Variants in AGTPBP1 observed in about 807,000 individuals in gnomAD.
AGTPBP1 encodes the protein ATP/GTP binding carboxypeptidase 1.
AGTPBP1 carries 70 observed loss-of-function variants against 143.9 expected under a neutral mutation model. The observed-to-expected ratio is 0.49, with a 90% CI of 0.40 to 0.59. The LOEUF is 0.59. Among genes scored for constraint, AGTPBP1 ranks in the 20% least tolerant of loss-of-function variants. AGTPBP1 has a pLI of 0.00. For missense variants in AGTPBP1, 1,229 were observed against 1,464.5 expected (o/e 0.84, Z 2.62); for synonymous variants, 463 against 500.2 (o/e 0.93, Z 0.99).
At chr9:85,604,130 T>C (rs1381273563) in intron 17 of AGTPBP1, among the ~76,000 whole-genome samples, 1 of 152,100 alleles carries the variant, frequency 6.6e-6, no homozygotes, top group Non-Finnish European at 1.5e-5. Context: ...ACATCAGCAG[T>C]AGCTAGGCAG....
chr9:85,548,745 G>A (rs1368900592), intron 25 of AGTPBP1, among the ~76,000 whole-genome samples: 2 of 150,486 alleles, frequency 1.3e-5, no homozygotes, highest in African/African-American at 2.5e-5. Flanking sequence ...GTGTGATCTC[G>A]ACACACTGCA....
At chr9:85,704,493 T>C (rs1836860768) in intron 2 of AGTPBP1, among the ~76,000 whole-genome samples, 1 of 152,202 alleles carries the variant, frequency 6.6e-6, no homozygotes, top group Non-Finnish European at 1.5e-5. Context: ...AGCAGAACAC[T>C]GGATAGAGTA....
the AGTPBP1 span, among the ~76,000 whole-genome samples, chr9:85,762,592 A>T: frequency 6.0e-5 from 8 of 133,148 alleles, no homozygotes; most frequent in Middle Eastern, 4.5e-3. Context: ...GGACACAGGA[A>T]GGGGAACATC....
At chr9:85,550,205 G>GAC (rs1798165823) in intron 25 of AGTPBP1, among the ~76,000 whole-genome samples, 1 of 151,832 alleles carries the variant, frequency 6.6e-6, no homozygotes, top group South Asian at 2.1e-4. Flanking sequence ...GAGAGAGAGA[G>GAC]AGAGAGAGAG....
intron 13 of AGTPBP1, among the ~76,000 whole-genome samples, chr9:85,641,968 G>A (rs1564095738): frequency 1.3e-5 from 2 of 151,996 alleles, no homozygotes; most frequent in Admixed American, 1.3e-4. Context: ...CAAAGTGCTG[G>A]GCTTACAGGC....
At chr9:85,686,717 G>C (rs1835508382) in intron 3 of AGTPBP1, among the ~76,000 whole-genome samples, 1 of 152,068 alleles carries the variant, frequency 6.6e-6, no homozygotes, top group Non-Finnish European at 1.5e-5. Context: ...AAGCTATATG[G>C]GAAGTTTTGA....
chr9:85,699,444 T>C (rs1489857162), intron 2 of AGTPBP1, among the ~76,000 whole-genome samples: 1 of 152,240 alleles, frequency 6.6e-6, no homozygotes, highest in Non-Finnish European at 1.5e-5. Context: ...ATGCAGATAC[T>C]GTCTTTGCAA....
At chr9:85,769,391 AAAG>A in the AGTPBP1 span, among the ~76,000 whole-genome samples, 4 of 152,144 alleles carry the variant, frequency 2.6e-5, no homozygotes, top group African/African-American at 9.6e-5. Flanking sequence ...TGGATAGTTC[AAAG>A]AACTGGAAGA....
At position 85,741,944 on chromosome 9, in the gene AGTPBP1, C is replaced by A. The variant is rs1357178804; in HGVS notation, c.-203G>T. The stretch of plus-strand genomic sequence containing the variant: ...GCAGCTGCGGCGGCGGCGCTGGAGG[C>A]GGCGGAACCTGTCCGCATCCCGGGC... On this transcript the variant is annotated 5_prime_UTR_variant, in exon 1 of 26. Transcript: ENST00000357081. 1.5e-6 allele frequency: 2 copies of A among 1,292,084 alleles called. No homozygotes were observed. Among genetic ancestry groups the A allele is most frequent in the Non-Finnish European group, 9.8e-7 (1 of 1,024,198 alleles). The allele number at this position is 1,292,084 out of a possible 1,614,324, so 80.0% of individuals were successfully genotyped here. A position where few individuals can be genotyped will look rare whatever the true frequency, so the allele number is the denominator to read the frequency against.
At chr9:85,691,599 A>C (rs1835883991) in intron 3 of AGTPBP1, among the ~76,000 whole-genome samples, 1 of 150,762 alleles carries the variant, frequency 6.6e-6, no homozygotes, top group South Asian at 2.1e-4. Flanking sequence ...GTCTCATCAA[A>C]GTCCTTTTTA....
At chr9:85,566,643 A>C (rs140733700) in intron 25 of AGTPBP1, among the ~76,000 whole-genome samples, 2 of 152,288 alleles carry the variant, frequency 1.3e-5, no homozygotes, top group East Asian at 3.9e-4. Flanking sequence ...AGGATGACAA[A>C]AAAGACACAT....
chr9:85,783,099 A>G, the AGTPBP1 span, among the ~76,000 whole-genome samples: 2 of 152,206 alleles, frequency 1.3e-5, no homozygotes, highest in Non-Finnish European at 2.9e-5. Context: ...GTATGGTGGT[A>G]TACAGGTTTA....
chr9:85,766,128 C>CA, the AGTPBP1 span, among the ~76,000 whole-genome samples: 12,182 of 130,932 alleles, frequency 0.093, 1,039 homozygotes, highest in African/African-American at 0.25. Context: ...TAGAAGAAGC[C>CA]AAAAAAAAAA....
chr9:85,776,309 T>C, the AGTPBP1 span, among the ~76,000 whole-genome samples: 1 of 152,228 alleles, frequency 6.6e-6, no homozygotes, highest in African/African-American at 2.4e-5. Flanking sequence ...CCGTCCTTGT[T>C]TCTGCAGCTG....
At chr9:85,637,119 G>A (rs1020314886) in intron 13 of AGTPBP1, among the ~76,000 whole-genome samples, 1 of 147,816 alleles carries the variant, frequency 6.8e-6, no homozygotes, top group Non-Finnish European at 1.5e-5. Flanking sequence ...TCAGCTCACT[G>A]CAACCTCCAG....
intron 25 of AGTPBP1, among the ~76,000 whole-genome samples, chr9:85,572,323 G>A (rs1322446799): frequency 6.6e-6 from 1 of 152,064 alleles, no homozygotes; most frequent in Non-Finnish European, 1.5e-5. Context: ...GTGAGCCACT[G>A]CGGCTGGCTT....
intron 1 of AGTPBP1, among the ~76,000 whole-genome samples, chr9:85,722,045 A>G (rs61452356): frequency 0.029 from 4,413 of 152,256 alleles, 211 homozygotes; most frequent in African/African-American, 0.1. Context: ...ATCCACTGTT[A>G]GTCTGATGGG....
At chr9:85,775,330 C>T in the AGTPBP1 span, among the ~76,000 whole-genome samples, 3 of 151,538 alleles carry the variant, frequency 2.0e-5, no homozygotes, top group East Asian at 5.8e-4. Flanking sequence ...GAAAGTCATT[C>T]ATTTCTATAG....
chr9:85,586,683 T>G (rs1397531510), intron 22 of AGTPBP1, 148 bp downstream of exon 22: 10 of 985,498 alleles, frequency 1.0e-5, no homozygotes, highest in South Asian at 2.0e-5. Flanking sequence ...AGAAGGCTTA[T>G]GAGAATTACA....
Sources: allele counts gnomAD v4.1 joint callset (sites outside exome capture counted in the v4.1 genomes callset), GRCh38; gene constraint gnomAD v4.1.1; transcripts MANE v1.5; gene names NCBI Gene and HGNC (gene_info 2026-07-23, HGNC 2026-07-21).